KAT14: variants seen among roughly 807,000 people sequenced by gnomAD.
KAT14 encodes cysteine-rich protein 2-binding protein.
A neutral mutation model predicts 78.4 loss-of-function variants in KAT14; 66 were observed. The observed-to-expected ratio is 0.84, with a 90% confidence interval of 0.69 to 1.03. KAT14 has a LOEUF of 1.03. Among genes scored for constraint, KAT14 ranks in the 50% least tolerant of loss-of-function variants. The pLI is 0.00. For synonymous variants in KAT14, 344 were observed against 359.4 expected (o/e 0.96, Z 0.48); for missense variants, 870 against 972.5 (o/e 0.89, Z 1.40).
Position 18,187,552 on chromosome 20 carries a change from A to G in KAT14, c.*93A>G, listed in dbSNP as rs2039488832. On this transcript the variant is annotated 3_prime_UTR_variant, in exon 11 of 11. Transcript: ENST00000688188. Reference sequence around the variant, plus strand: ...AGTGATTGATTTCACAGGGAGCTCTAATCTCTGTGATTACATGGTCCTTCA... The same window carrying G: ...AGTGATTGATTTCACAGGGAGCTCTGATCTCTGTGATTACATGGTCCTTCA... The G allele has an allele frequency of 1.2e-5, 19 of 1,559,520 alleles. No individual in the cohort carries two copies. The highest frequency in any genetic ancestry group is 1.6e-5 in the Non-Finnish European group (19 of 1,153,824).
chr20:18,167,656 C>A (rs1450450828), intron 7 of KAT14, among the ~76,000 whole-genome samples: 5 of 152,148 alleles, frequency 3.3e-5, no homozygotes, highest in East Asian at 3.9e-4. Context: ...CCTCTTTAAT[C>A]CAAAGGTTAT....
At chr20:18,160,142 C>T (rs1328034144) in intron 5 of KAT14, among the ~76,000 whole-genome samples, 2 of 152,188 alleles carry the variant, frequency 1.3e-5, no homozygotes, top group Non-Finnish European at 2.9e-5. Context: ...CTCAGGCGAT[C>T]CACCTGCCTT....
At chr20:18,140,106 G>A (rs1264374564) in intron 1 of KAT14, among the ~76,000 whole-genome samples, 1 of 152,090 alleles carries the variant, frequency 6.6e-6, no homozygotes, top group Non-Finnish European at 1.5e-5. Context: ...AAGCACACGT[G>A]ACATCTCTGA....
At chr20:18,151,881 T>C (rs1233597490) in intron 4 of KAT14, among the ~76,000 whole-genome samples, 1 of 150,664 alleles carries the variant, frequency 6.6e-6, no homozygotes, top group Non-Finnish European at 1.5e-5. Flanking sequence ...CAGGCAACTA[T>C]AATCCCAGCT....
intron 7 of KAT14, among the ~76,000 whole-genome samples, chr20:18,167,311 A>G (rs543289119): frequency 1.3e-5 from 2 of 152,348 alleles, no homozygotes; most frequent in Admixed American, 6.5e-5. Flanking sequence ...GTGTTAAATC[A>G]GTTACTATTT....
intron 7 of KAT14, among the ~76,000 whole-genome samples, chr20:18,178,340 G>A (rs190135814): frequency 6.6e-5 from 10 of 152,268 alleles, no homozygotes; most frequent in African/African-American, 2.4e-4. Flanking sequence ...ATCCACGGGA[G>A]TGATATTCTA....
intron 9 of KAT14, 149 bp from the exon 10 acceptor site, chr20:18,184,453 T>G (rs2039380214): frequency 2.9e-6 from 2 of 699,572 alleles, no homozygotes; most frequent in Non-Finnish European, 4.5e-6. Context: ...ATGATCTGGT[T>G]GTGTGGTCTC....
intron 7 of KAT14, among the ~76,000 whole-genome samples, chr20:18,176,542 G>A (rs958255007): frequency 4.6e-5 from 7 of 152,170 alleles, no homozygotes; most frequent in African/African-American, 1.7e-4. Context: ...GGGGGTTCAG[G>A]ACGGCCTCTC....
At chr20:18,158,398 A>G (rs12626093) in intron 4 of KAT14, among the ~76,000 whole-genome samples, 14 of 152,270 alleles carry the variant, frequency 9.2e-5, no homozygotes, top group African/African-American at 3.1e-4. Context: ...ACTGTCTTCT[A>G]GGATTTCCGG....
Position 18,161,981 on chromosome 20 carries a change from C to G in KAT14, c.841C>G (p.Leu281Val). The stretch of plus-strand genomic sequence containing the variant: ...AGCCCAGAAGGAGGCCGCTGGCTTT[C>G]TTGACAGGAGCACATCTTCTACCCC... ...RRAQKEAAGF[L>V]DRSTSSTPVK... Residue 281 changes from leucine to valine, a missense_variant, in exon 6 of 11, where the codon CTT becomes GTT. Coordinates refer to ENST00000688188, the MANE Select transcript of KAT14 (RefSeq NM_001392073.1). 1 of 1,614,270 alleles carries G rather than the reference C, an allele frequency of 6.2e-7. No individual in the cohort carries two copies. Among genetic ancestry groups the G allele is most frequent in the Non-Finnish European group, 8.5e-7 (1 of 1,180,056 alleles).
At chr20:18,165,376 T>G (rs1468200259) in intron 7 of KAT14, among the ~76,000 whole-genome samples, 2 of 152,174 alleles carry the variant, frequency 1.3e-5, no homozygotes, top group Admixed American at 1.3e-4. Context: ...GTCCCAACCC[T>G]GGTACCTATG....
chr20:18,177,901 A>G (rs2039102630), intron 7 of KAT14, among the ~76,000 whole-genome samples: 1 of 152,196 alleles, frequency 6.6e-6, no homozygotes, highest in Non-Finnish European at 1.5e-5. Flanking sequence ...AATGAAACAC[A>G]TAAAATCTAC....
At chr20:18,183,551 T>G (rs1301677339) in intron 9 of KAT14, 8 of 984,712 alleles carry the variant, frequency 8.1e-6, no homozygotes, top group Non-Finnish European at 9.6e-6. Context: ...AGATTCATCC[T>G]GTTTTGCTTC....
At chr20:18,140,109 A>G (rs1212336746) in intron 1 of KAT14, among the ~76,000 whole-genome samples, 2 of 152,098 alleles carry the variant, frequency 1.3e-5, no homozygotes, top group East Asian at 3.9e-4. Context: ...CACACGTGAC[A>G]TCTCTGAGAA....
intron 4 of KAT14, among the ~76,000 whole-genome samples, chr20:18,151,815 C>T (rs2038054026): frequency 6.6e-6 from 1 of 151,442 alleles, no homozygotes; most frequent in African/African-American, 2.4e-5. Flanking sequence ...ACCAGCCTCG[C>T]CAACATGGTG....
chr20:18,162,227 G>A lies in KAT14; in HGVS notation c.1087G>A (p.Ala363Thr). The A allele has an allele frequency of 1.9e-6, 3 of 1,613,950 alleles. No individual in the cohort carries two copies. Among genetic ancestry groups the A allele is most frequent in the Non-Finnish European group, 2.5e-6 (3 of 1,179,982 alleles). ...DLIPDVMPPQ[A>T]LFHDDDEMEG... is the part of the protein sequence containing the mutation. Reference sequence around the variant, plus strand: ...GATTCCAGATGTGATGCCCCCACAAGCCTTGTTTCATGGTAAGAGTTTGTT... The same window carrying A: ...GATTCCAGATGTGATGCCCCCACAAACCTTGTTTCATGGTAAGAGTTTGTT... Residue 363 changes from alanine to threonine, a missense_variant, in exon 6 of 11, where the codon GCC (alanine) becomes ACC (threonine). Ala to Thr is a moderately conservative substitution (Grantham distance 58). Coordinates refer to ENST00000688188, the MANE Select transcript of KAT14 (RefSeq NM_001392073.1).
intron 9 of KAT14, chr20:18,183,567 A>G: frequency 3.1e-6 from 3 of 980,026 alleles, no homozygotes; most frequent in Non-Finnish European, 3.6e-6. Context: ...GCTTCTGCAT[A>G]TGTTTAGATA....
intron 7 of KAT14, among the ~76,000 whole-genome samples, chr20:18,171,450 T>G (rs1462133302): frequency 6.6e-6 from 1 of 152,228 alleles, no homozygotes; most frequent in Non-Finnish European, 1.5e-5. Flanking sequence ...TAAACTTAGT[T>G]GATAAGTTAG....
intron 9 of KAT14, 86 bp from the exon 10 acceptor site, chr20:18,184,516 T>C: frequency 8.3e-7 from 1 of 1,200,044 alleles, no homozygotes. Context: ...CATGCAGGTG[T>C]AGCTATATGT....
Sources: allele counts gnomAD v4.1 joint callset (sites outside exome capture counted in the v4.1 genomes callset), GRCh38; gene constraint gnomAD v4.1.1; transcripts MANE v1.5; gene names NCBI Gene and HGNC (gene_info 2026-07-23, HGNC 2026-07-21).